Variants in MAP3K5 observed in about 807,000 individuals in gnomAD.
The protein encoded by MAP3K5 is ASK-1.
A neutral mutation model predicts 158.7 loss-of-function variants in MAP3K5; 56 were observed. The observed-to-expected ratio is 0.35, with a 90% CI of 0.28 to 0.44. The LOEUF is 0.44. Among genes scored for constraint, MAP3K5 ranks in the 20% least tolerant of loss-of-function variants. The probability of loss-of-function intolerance (pLI) is 1.00; values close to 1 mark genes in which losing one functional copy is unlikely to be tolerated. For missense variants in MAP3K5, 1,294 were observed against 1,674.8 expected, an observed-to-expected ratio of 0.77 and a Z score of 3.97; for synonymous variants, 579 against 601.7, an observed-to-expected ratio of 0.96 and a Z score of 0.55.
chr6:136,592,523 C>T lies in MAP3K5; in HGVS notation c.2970G>A (p.Glu990=). The T allele has an allele frequency of 6.2e-7, 1 of 1,613,930 alleles. No individual in the cohort carries two copies. The highest frequency in any genetic ancestry group is 2.2e-5 in the East Asian group (1 of 44,852). The change falls in exon 22 of 30, where the codon GAG becomes GAA. Residue 990 remains glutamate, a synonymous_variant. Transcript: ENST00000359015. ...SEYGSVSPDT[E]LKVDPFSFKT... is the part of the protein sequence containing the mutation. The stretch of plus-strand genomic sequence containing the variant: ...TGAAAGAGAAGGGGTCCACTTTCAA[C>T]TCCGTGTCGGGTGAAACTGAGCCGT...
At chr6:136,722,991 G>C (rs150978638) in intron 1 of MAP3K5, among the ~76,000 whole-genome samples, 1 of 151,982 alleles carries the variant, frequency 6.6e-6, no homozygotes, top group Non-Finnish European at 1.5e-5. Context: ...CCCCAGCCAA[G>C]TGTAAACTTT....
intron 1 of MAP3K5, among the ~76,000 whole-genome samples, chr6:136,787,413 G>A (rs771844148): frequency 3.3e-5 from 5 of 152,130 alleles, no homozygotes; most frequent in African/African-American, 4.8e-5. Flanking sequence ...TAATCTCTAC[G>A]AGCTGAAATG....
At chr6:136,585,459 CTTTCT>C (rs950421708) in intron 23 of MAP3K5, among the ~76,000 whole-genome samples, 18 of 130,702 alleles carry the variant, frequency 1.4e-4, no homozygotes, top group Non-Finnish European at 2.1e-4. Context: ...ATATTGCTTC[CTTTCT>C]TTTCTTTTCT....
At chr6:136,768,171 G>A (rs1023355289) in intron 1 of MAP3K5, among the ~76,000 whole-genome samples, 4 of 152,064 alleles carry the variant, frequency 2.6e-5, no homozygotes, top group Non-Finnish European at 4.4e-5. Flanking sequence ...GTAAGACAAC[G>A]AAAGCACAAA....
intron 1 of MAP3K5, among the ~76,000 whole-genome samples, chr6:136,779,332 A>G (rs1203533414): frequency 6.6e-6 from 1 of 151,736 alleles, no homozygotes; most frequent in Admixed American, 6.6e-5. Context: ...AGTCCCAGCT[A>G]CGTGGGAGGC....
At chr6:136,669,492 TA>T (rs1217148473) in intron 7 of MAP3K5, 97 bp from the exon 8 acceptor site, 1 of 713,924 alleles carries the variant, frequency 1.4e-6, no homozygotes, top group African/African-American at 1.8e-5. Context: ...CCTGAGCAAG[TA>T]AAAATATTGC....
chr6:136,613,966 A>G lies in MAP3K5; in HGVS notation c.2278+193T>C, dbSNP rs1220482149. 6.6e-6 allele frequency among the ~76,000 whole-genome samples: 1 copy of G among 152,154 alleles called. No homozygotes were observed. The highest frequency in any genetic ancestry group is 1.5e-5 in the Non-Finnish European group (1 of 68,032). ...CAAGCTTTGCACTGGAATAAACTCTATACATTAGGATATTTTCTAAATCTC... is the reference window on the plus strand; with the variant it reads ...CAAGCTTTGCACTGGAATAAACTCTGTACATTAGGATATTTTCTAAATCTC... On this transcript the variant is annotated intron_variant, in intron 16 of 29. Coordinates refer to ENST00000359015, the MANE Select transcript of MAP3K5 (RefSeq NM_005923.4). The surrounding 1 kb of genome is among the most constrained non-coding windows in gnomAD (Gnocchi z 4.0).
intron 21 of MAP3K5, chr6:136,593,676 T>C (rs1334501387): frequency 2.9e-6 from 1 of 346,944 alleles, no homozygotes; most frequent in South Asian, 1.9e-5. Context: ...TGAATCACAA[T>C]AAAATACTGT....
rs1289652406 is a variant in MAP3K5 at position 136,576,363 on chromosome 6, G to A, written c.3517+3938C>T. 2.6e-5 allele frequency among the ~76,000 whole-genome samples: 4 copies of A among 152,134 alleles called. No individual in the cohort carries two copies. In the East Asian group the frequency reaches 7.7e-4, roughly 29 times the overall value. On this transcript the variant is annotated intron_variant, in intron 25 of 29. Transcript: ENST00000359015. ...GTCTCGCTCTGTCGCTCAAGCTGGA[G>A]TACAGCAGTGCAATCATAGCTCACT...
chr6:136,580,387 T>C lies in MAP3K5; in HGVS notation c.3431A>G (p.Asn1144Ser). The change falls in exon 25 of 30, where the codon AAT becomes AGT. Residue 1144 changes from asparagine to serine, a missense_variant. Physicochemically the swap from Asn to Ser is conservative, Grantham distance 46. This residue lies in a region of MAP3K5 where 362 missense variants were observed against 463.2 expected (regional missense o/e 0.78). Transcript: ENST00000359015. Reference sequence around the variant, plus strand: ...CATCCAGTGCGGCTTGATGTTATGATTCCGAAGAACTTTATTGACCTGGAG... The same window carrying C: ...CATCCAGTGCGGCTTGATGTTATGACTCCGAAGAACTTTATTGACCTGGAG... Reference protein sequence around the residue: ...FQDAVNKVLRNHNIKPHWMFA... With the variant: ...FQDAVNKVLRSHNIKPHWMFA... 6.2e-7 allele frequency: 1 copy of C among 1,612,490 alleles called. No homozygotes were observed. The highest frequency in any genetic ancestry group is 8.5e-7 in the Non-Finnish European group (1 of 1,178,602).
rs1002006212 is a variant in MAP3K5, at chr6:136,738,725, G to C, written c.449-18136C>G. Among the ~76,000 whole-genome samples, 15 of 152,284 alleles carry C rather than the reference G, an allele frequency of 9.9e-5. No individual in the cohort carries two copies. The South Asian group carries it at 3.1e-3, about 32-fold the overall frequency. On this transcript the variant is annotated intron_variant, in intron 1 of 29. Coordinates refer to ENST00000359015, the MANE Select transcript of MAP3K5 (RefSeq NM_005923.4). ...CAGAAACAGAAAGAGCTAATGAGCT[G>C]AAGTGCTGGTGAGAACAGTCAGGGT...
chr6:136,695,037 G>A (rs796574044), intron 6 of MAP3K5, among the ~76,000 whole-genome samples: 58 of 152,192 alleles, frequency 3.8e-4, no homozygotes, highest in African/African-American at 1.3e-3. Flanking sequence ...GCCTAGAGTT[G>A]GGGGATTTGG....
rs965754020 is a variant in MAP3K5, at chr6:136,656,290, A to C, written c.1680+17T>G. On this transcript the variant is annotated intron_variant, in intron 10 of 29. Transcript: ENST00000359015. ...TAAATAAAGAAATGTACTTAGATTT[A>C]AAGGAAGAGTACTCACTGGAAACCT... The C allele has an allele frequency of 3.7e-6, 6 of 1,608,058 alleles. No individual in the cohort carries two copies. In the African/African-American group the frequency reaches 8.0e-5, roughly 21 times the overall value.
At position 136,678,148 on chromosome 6, in the gene MAP3K5, G is replaced by T. The variant is rs183333303; in HGVS notation, c.1254-8753C>A. On this transcript the variant is annotated intron_variant, in intron 7 of 29. Transcript: ENST00000359015. ...GTAGTTCTTTTTCATTATTTTCTGG[G>T]TTTTTTTTATTTTTGTTTTTAATAA... 4.3e-4 allele frequency among the ~76,000 whole-genome samples: 65 copies of T among 151,724 alleles called. 2 individuals carry two copies. The East Asian group carries it at 8.7e-3, about 20-fold the overall frequency.
rs185449758 is a variant in MAP3K5 at position 136,727,182 on chromosome 6, G to A, written c.449-6593C>T. ...ACATATTAAAAATACAAATTAAGAT[G>A]TAATTATAATAAATTAAACAAACAC... On this transcript the variant is annotated intron_variant, in intron 1 of 29. Coordinates refer to ENST00000359015, the MANE Select transcript of MAP3K5 (RefSeq NM_005923.4). Among the ~76,000 whole-genome samples, 77 of 152,256 alleles carry A rather than the reference G, an allele frequency of 5.1e-4. No homozygotes were observed. The Middle Eastern group carries it at 0.01, about 20-fold the overall frequency.
rs1158065657 is a variant in MAP3K5 at position 136,697,204 on chromosome 6, T to C, written c.975+15A>G. On this transcript the variant is annotated intron_variant, in intron 5 of 29. Coordinates refer to ENST00000359015, the MANE Select transcript of MAP3K5 (RefSeq NM_005923.4). The stretch of plus-strand genomic sequence containing the variant: ...ATGCTACACAACAAAGATTTCACTT[T>C]AAACATCTTCTCACCTGGATATCTC... 1 of 1,601,840 alleles carries C rather than the reference T, an allele frequency of 6.2e-7. No individual in the cohort carries two copies. Among genetic ancestry groups the C allele is most frequent in the Non-Finnish European group, 8.5e-7 (1 of 1,172,800 alleles).
intron 10 of MAP3K5, among the ~76,000 whole-genome samples, chr6:136,652,310 G>A (rs779236113): frequency 5.3e-5 from 8 of 152,126 alleles, no homozygotes; most frequent in Admixed American, 2.0e-4. Flanking sequence ...TATTAAAAAC[G>A]TTAAGGGCTC....
intron 21 of MAP3K5, chr6:136,593,694 C>A (rs1439450612): frequency 1.2e-5 from 5 of 406,852 alleles, no homozygotes; most frequent in Non-Finnish European, 1.9e-5. Flanking sequence ...TGTCCATGAT[C>A]TATCCTATGG....
At chr6:136,734,813 C>G (rs1562656562) in intron 1 of MAP3K5, among the ~76,000 whole-genome samples, 2 of 152,044 alleles carry the variant, frequency 1.3e-5, no homozygotes, top group South Asian at 2.1e-4. Context: ...ACAGAGTAGC[C>G]CTTTGTAACT....
Sources: allele counts gnomAD v4.1 joint callset (sites outside exome capture counted in the v4.1 genomes callset), GRCh38; gene constraint gnomAD v4.1.1; regional missense constraint gnomAD v4.1.1; non-coding constraint Gnocchi (gnomAD v3.1); transcripts MANE v1.5; gene names NCBI Gene and HGNC (gene_info 2026-07-23, HGNC 2026-07-21).